Variants in SLC13A3 observed in about 807,000 individuals in gnomAD.
The protein encoded by SLC13A3 is solute carrier family 13 member 3.
In SLC13A3, 40 loss-of-function variants were observed where a neutral mutation model predicts 59.0. The observed-to-expected ratio is 0.68, with a 90% CI of 0.53 to 0.88. SLC13A3 has a LOEUF of 0.88. SLC13A3 is among the 40% of genes least tolerant of loss of function. SLC13A3 has a pLI of 0.00. For missense variants in SLC13A3, 699 were observed against 783.2 expected (o/e 0.89, Z 1.28); for synonymous variants, 317 against 330.3 (o/e 0.96, Z 0.44).
upstream of SLC13A3, among the ~76,000 whole-genome samples, chr20:46,672,825 C>T (rs2063101032): frequency 6.6e-6 from 1 of 152,116 alleles, no homozygotes; most frequent in Admixed American, 6.5e-5. Context: ...GACTTCCAGC[C>T]AGCCCTATCA....
At chr20:46,596,759 C>A (rs1475733114) in intron 4 of SLC13A3, among the ~76,000 whole-genome samples, 1 of 152,138 alleles carries the variant, frequency 6.6e-6, no homozygotes, top group Non-Finnish European at 1.5e-5. Flanking sequence ...TTTATAAATA[C>A]TTATGTTGCA....
chr20:46,580,696 C>T (rs943476691), intron 9 of SLC13A3, among the ~76,000 whole-genome samples: 1 of 151,974 alleles, frequency 6.6e-6, no homozygotes, highest in Non-Finnish European at 1.5e-5. Context: ...AGTAGCAGAG[C>T]TGAGATGCCA....
upstream of SLC13A3, among the ~76,000 whole-genome samples, chr20:46,653,506 AAAAC>A (rs757751860): frequency 5.3e-5 from 8 of 152,168 alleles, no homozygotes; most frequent in Non-Finnish European, 8.8e-5. Flanking sequence ...CTAAAAGCTT[AAAAC>A]AAACAAACAA....
At chr20:46,612,147 T>TTTTTTTTTTG (rs1555879622) in intron 2 of SLC13A3, among the ~76,000 whole-genome samples, 1 of 145,558 alleles carries the variant, frequency 6.9e-6, no homozygotes, top group Non-Finnish European at 1.5e-5. Flanking sequence ...TTTTTTTTTT[T>TTTTTTTTTTG]GAGACAGGGT....
intron 10 of SLC13A3, among the ~76,000 whole-genome samples, chr20:46,567,288 T>A (rs956154857): frequency 6.6e-6 from 1 of 152,184 alleles, no homozygotes; most frequent in Non-Finnish European, 1.5e-5. Flanking sequence ...TGCATTATTA[T>A]TCATTGTCGT....
chr20:46,570,397 A>C (rs1008662833), intron 10 of SLC13A3, among the ~76,000 whole-genome samples: 1 of 152,262 alleles, frequency 6.6e-6, no homozygotes, highest in Admixed American at 6.5e-5. Flanking sequence ...CAATAAGCCC[A>C]TCACGAATTG....
intron 1 of SLC13A3, among the ~76,000 whole-genome samples, chr20:46,669,799 C>A (rs184511809): frequency 2.0e-5 from 3 of 152,192 alleles, no homozygotes; most frequent in Admixed American, 1.3e-4. Context: ...CAGACATTTC[C>A]TGATTTTTGA....
In SLC13A3 at chr20:46,635,013, A is replaced by G. The variant is rs183033600; in HGVS notation, c.111+16298T>C. On this transcript the variant is annotated intron_variant, in intron 1 of 12. Coordinates refer to ENST00000279027, the MANE Select transcript of SLC13A3 (RefSeq NM_022829.6). ...GTGAAGTGAAACCCTGCCCGAAGGC[A>G]CTGGGGTGGGACGAGCCTTTAAATC... Among the ~76,000 whole-genome samples the G allele has an allele frequency of 3.9e-4, 59 of 152,230 alleles. No individual in the cohort carries two copies. In the East Asian group the frequency reaches 9.7e-3, roughly 25 times the overall value.
chr20:46,639,060 A>G (rs6017947), intron 1 of SLC13A3, among the ~76,000 whole-genome samples: 44,074 of 152,016 alleles, frequency 0.29, 9,336 homozygotes, highest in African/African-American at 0.57. Context: ...TACAAACATC[A>G]TCTATTATTA....
chr20:46,563,606 C>A, intron 11 of SLC13A3, 55 bp from the exon 12 acceptor site: 1 of 989,476 alleles, frequency 1.0e-6, no homozygotes, highest in South Asian at 1.8e-5. Context: ...AGAGCGACCA[C>A]AGCAAGAGGG....
intron 1 of SLC13A3, among the ~76,000 whole-genome samples, chr20:46,668,832 C>T (rs6094420): frequency 0.071 from 10,873 of 152,208 alleles, 585 homozygotes; most frequent in East Asian, 0.17. Flanking sequence ...GCTGCTTATG[C>T]GCTATAAATG....
At chr20:46,636,507 C>A (rs1053390484) in intron 1 of SLC13A3, among the ~76,000 whole-genome samples, 6 of 152,222 alleles carry the variant, frequency 3.9e-5, no homozygotes, top group Non-Finnish European at 7.3e-5. Flanking sequence ...GGATTAAGCA[C>A]CTGTTGTGCA....
intron 6 of SLC13A3, among the ~76,000 whole-genome samples, chr20:46,592,086 G>A (rs2062263991): frequency 6.6e-6 from 1 of 152,112 alleles, no homozygotes; most frequent in South Asian, 2.1e-4. Context: ...AGTGGCACTT[G>A]CCTGTAGTCT....
At chr20:46,625,257 T>G (rs547590449) in intron 1 of SLC13A3, among the ~76,000 whole-genome samples, 1 of 152,326 alleles carries the variant, frequency 6.6e-6, no homozygotes, top group East Asian at 1.9e-4. Context: ...GGATTTCACT[T>G]CAAATCAAGT....
intron 1 of SLC13A3, among the ~76,000 whole-genome samples, chr20:46,629,078 GGAT>G (rs2062709402): frequency 6.6e-6 from 1 of 152,070 alleles, no homozygotes; most frequent in Non-Finnish European, 1.5e-5. Flanking sequence ...TCTATCTTAG[GGAT>G]GATATTATGA....
intron 3 of SLC13A3, among the ~76,000 whole-genome samples, chr20:46,608,258 C>T (rs2062455453): frequency 6.6e-6 from 1 of 152,152 alleles, no homozygotes; most frequent in Admixed American, 6.5e-5. Context: ...AGAATATTTC[C>T]TGATACAAAA....
At chr20:46,627,434 G>A (rs930695687) in intron 1 of SLC13A3, among the ~76,000 whole-genome samples, 1 of 152,186 alleles carries the variant, frequency 6.6e-6, no homozygotes, top group African/African-American at 2.4e-5. Context: ...CTGTGGTGAA[G>A]TGGGGAACAC....
rs142816160 is a variant in SLC13A3 at position 46,637,234 on chromosome 20, G to A, written c.111+14077C>T. Reference sequence around the variant, plus strand: ...GGGGAAGCTGGTCCTGGGGGAAGCCGGCCCTGCTGGAAAGGCCCGGCCTGT... The same window carrying A: ...GGGGAAGCTGGTCCTGGGGGAAGCCAGCCCTGCTGGAAAGGCCCGGCCTGT... On this transcript the variant is annotated intron_variant, in intron 1 of 12. Transcript: ENST00000279027. Among the ~76,000 whole-genome samples, 26 of 152,284 alleles carry A rather than the reference G, an allele frequency of 1.7e-4. No individual in the cohort carries two copies. The East Asian group carries it at 4.4e-3, about 26-fold the overall frequency.
At chr20:46,587,490 C>T (rs1277225659) in intron 8 of SLC13A3, among the ~76,000 whole-genome samples, 1 of 152,194 alleles carries the variant, frequency 6.6e-6, no homozygotes, top group Admixed American at 6.5e-5. Flanking sequence ...CTCATTTTCT[C>T]AAACATGCTA....
Sources: allele counts gnomAD v4.1 joint callset (sites outside exome capture counted in the v4.1 genomes callset), GRCh38; gene constraint gnomAD v4.1.1; transcripts MANE v1.5; gene names NCBI Gene and HGNC (gene_info 2026-07-23, HGNC 2026-07-21).